The following HPSE2 variants were observed in gnomAD, a reference collection of about 807,000 sequenced individuals.
The protein encoded by HPSE2 is heparanase 2 (inactive).
A neutral mutation model predicts 60.5 loss-of-function variants in HPSE2; 38 were observed. The observed-to-expected ratio is 0.63, with a 90% CI of 0.48 to 0.82. HPSE2 has a LOEUF of 0.82. Among genes scored for constraint, HPSE2 ranks in the 40% least tolerant of loss-of-function variants. The pLI is 0.00. For missense variants in HPSE2, 713 were observed against 740.4 expected, an observed-to-expected ratio of 0.96 and a Z score of 0.43; for synonymous variants, 295 against 293.2, an observed-to-expected ratio of 1.01 and a Z score of -0.06.
At chr10:98,890,506 T>A (rs1300148075) in intron 3 of HPSE2, among the ~76,000 whole-genome samples, 1 of 152,180 alleles carries the variant, frequency 6.6e-6, no homozygotes, top group Non-Finnish European at 1.5e-5. Context: ...CATACTTGTA[T>A]ATAAAGGCAA....
upstream of HPSE2, chr10:99,235,925 C>T: frequency 1.3e-6 from 1 of 747,352 alleles, no homozygotes. Context: ...CACCACCCCC[C>T]CAACACACAC....
rs1349790721 is a variant in HPSE2, at chr10:98,778,162, T to G, written c.611-34106A>C. Among the ~76,000 whole-genome samples the G allele has an allele frequency of 2.0e-5, 3 of 151,086 alleles. No homozygotes were observed. In the Admixed American group the frequency reaches 2.0e-4, roughly 10 times the overall value. On this transcript the variant is annotated intron_variant, in intron 3 of 11. Transcript: ENST00000370552. ...AGAGGTGGGTGCATAACAAAACACA[T>G]GAAATAACAGAATAATTTTATTAAA... is the stretch of plus-strand genomic sequence containing the variant.
intron 3 of HPSE2, among the ~76,000 whole-genome samples, chr10:99,057,431 T>C (rs1185892669): frequency 6.6e-6 from 1 of 152,150 alleles, no homozygotes. Flanking sequence ...TCAGAATTTG[T>C]TTGTGAATAT....
At chr10:99,295,914 A>T in the HPSE2 span, among the ~76,000 whole-genome samples, 1 of 152,272 alleles carries the variant, frequency 6.6e-6, no homozygotes. Context: ...AGTACAGGCC[A>T]GCATAACCTT....
intron 6 of HPSE2, among the ~76,000 whole-genome samples, chr10:98,677,094 A>G (rs1947664312): frequency 6.6e-6 from 1 of 151,960 alleles, no homozygotes; most frequent in African/African-American, 2.4e-5. Context: ...CCTTTCTACC[A>G]TCTCTTTCAG....
intron 9 of HPSE2, among the ~76,000 whole-genome samples, chr10:98,500,327 C>G (rs1941988949): frequency 6.6e-6 from 1 of 152,158 alleles, no homozygotes. Context: ...CAAGCACTCT[C>G]TCAGACCACA....
chr10:98,528,879 C>T (rs1943050414), intron 9 of HPSE2, among the ~76,000 whole-genome samples: 1 of 152,236 alleles, frequency 6.6e-6, no homozygotes, highest in Admixed American at 6.5e-5. Flanking sequence ...AGCTCCACCC[C>T]ACTCATAGCA....
At chr10:99,224,048 TA>T (rs1849397089) in intron 2 of HPSE2, among the ~76,000 whole-genome samples, 1 of 152,092 alleles carries the variant, frequency 6.6e-6, no homozygotes, top group South Asian at 2.1e-4. Context: ...GTTTAATATA[TA>T]AGATCACAGC....
chr10:99,202,668 A>C (rs1848615004), intron 2 of HPSE2, among the ~76,000 whole-genome samples: 1 of 152,138 alleles, frequency 6.6e-6, no homozygotes. Context: ...AAATGAGATA[A>C]AATATAAAGC....
At chr10:98,615,791 C>G (rs904167502) in intron 8 of HPSE2, among the ~76,000 whole-genome samples, 1 of 152,150 alleles carries the variant, frequency 6.6e-6, no homozygotes, top group African/African-American at 2.4e-5. Flanking sequence ...CTTTCTCTTC[C>G]TAATTCTGAA....
chr10:98,966,968 C>T (rs544119718), intron 3 of HPSE2, among the ~76,000 whole-genome samples: 5 of 152,166 alleles, frequency 3.3e-5, no homozygotes, highest in South Asian at 2.1e-4. Context: ...GGGGCTCTTC[C>T]GGGCTAAGGT....
intron 3 of HPSE2, among the ~76,000 whole-genome samples, chr10:99,113,822 T>C (rs1002226965): frequency 1.3e-5 from 2 of 152,158 alleles, no homozygotes; most frequent in Non-Finnish European, 2.9e-5. Context: ...ATACTGTGTA[T>C]TAGTGAAGTA....
At chr10:98,951,418 A>C (rs910711745) in intron 3 of HPSE2, among the ~76,000 whole-genome samples, 2 of 152,204 alleles carry the variant, frequency 1.3e-5, no homozygotes, top group Non-Finnish European at 2.9e-5. Flanking sequence ...TCTTCCAAGG[A>C]AGTGTCCCTC....
In HPSE2 at chr10:98,776,236, C is replaced by T. The variant is rs559795049; in HGVS notation, c.611-32180G>A. On this transcript the variant is annotated intron_variant, in intron 3 of 11. Coordinates refer to ENST00000370552, the MANE Select transcript of HPSE2 (RefSeq NM_021828.5). ...TCACTTGAGGTCAAGAGTTTGAGAC[C>T]AGCCTGACCAACATGGTGAAACCCC... 1.6e-4 allele frequency among the ~76,000 whole-genome samples: 24 copies of T among 149,924 alleles called. 1 individual carries two copies. In the South Asian group the frequency reaches 1.7e-3, roughly 11 times the overall value.
intron 3 of HPSE2, among the ~76,000 whole-genome samples, chr10:99,087,357 A>T (rs1843357630): frequency 6.6e-6 from 1 of 152,142 alleles, no homozygotes; most frequent in Admixed American, 6.6e-5. Context: ...GGCGTCCCAC[A>T]CAGGGAATTA....
chr10:98,914,310 C>G (rs190279632), intron 3 of HPSE2, among the ~76,000 whole-genome samples: 7 of 152,120 alleles, frequency 4.6e-5, no homozygotes, highest in African/African-American at 1.7e-4. Flanking sequence ...GTGAGGCTTC[C>G]CCAGCCAGGT....
At chr10:99,135,923 A>G (rs1845630351) in intron 3 of HPSE2, among the ~76,000 whole-genome samples, 1 of 151,998 alleles carries the variant, frequency 6.6e-6, no homozygotes, top group Non-Finnish European at 1.5e-5. Context: ...GACATGAAAA[A>G]CCCTTCAAAA....
chr10:98,937,381 C>T (rs1487881240), intron 3 of HPSE2, among the ~76,000 whole-genome samples: 2 of 144,582 alleles, frequency 1.4e-5, no homozygotes, highest in Non-Finnish European at 3.0e-5. Flanking sequence ...TCACTCCCAC[C>T]CTAATACTGC....
At chr10:99,259,691 C>T in the HPSE2 span, among the ~76,000 whole-genome samples, 2 of 152,176 alleles carry the variant, frequency 1.3e-5, no homozygotes, top group East Asian at 3.9e-4. Context: ...GGCAGGGGTC[C>T]CCAACTCCCA....
Sources: gnomAD v4.1 joint callset for allele counts (sites outside exome capture counted in the v4.1 genomes callset) on GRCh38, gnomAD v4.1.1 for gene constraint, MANE v1.5 for transcripts, NCBI Gene and HGNC (gene_info 2026-07-23, HGNC 2026-07-21) for gene names.